The following RASAL1 variants were observed in gnomAD, a reference collection of about 807,000 sequenced individuals.
The protein encoded by RASAL1 is rasGAP-activating-like protein 1.
In RASAL1, 72 loss-of-function variants were observed where a neutral mutation model predicts 96.6. The observed-to-expected ratio is 0.75, with a 90% CI of 0.62 to 0.91. The LOEUF is 0.91. Ranked by LOEUF, RASAL1 falls within the 40% of genes least tolerant of loss-of-function variation. The pLI is 0.00. For missense variants in RASAL1, 1,016 were observed against 1,072.5 expected (o/e 0.95, Z 0.74); for synonymous variants, 405 against 430.4 (o/e 0.94, Z 0.73).
intron 18 of RASAL1, among the ~76,000 whole-genome samples, chr12:113,103,404 G>A (rs1162128859): frequency 1.3e-5 from 2 of 151,914 alleles, no homozygotes; most frequent in Admixed American, 6.6e-5. Flanking sequence ...TCAGGAGTTC[G>A]AGACCAGCCT....
At chr12:113,132,022 A>AGT (rs1951733983) in intron 1 of RASAL1, among the ~76,000 whole-genome samples, 1 of 133,164 alleles carries the variant, frequency 7.5e-6, no homozygotes, top group Non-Finnish European at 1.5e-5. Flanking sequence ...CCCAGGCTGG[A>AGT]GTGCAGTGGC....
intron 5 of RASAL1, among the ~76,000 whole-genome samples, chr12:113,120,991 G>A (rs199612844): frequency 1.3e-5 from 2 of 152,212 alleles, no homozygotes; most frequent in African/African-American, 2.4e-5. Flanking sequence ...AAATAGAAGT[G>A]ATTTTTCTGT....
At chr12:113,108,058 A>T in intron 14 of RASAL1, 27 bp downstream of exon 14, 1 of 1,598,058 alleles carries the variant, frequency 6.3e-7, no homozygotes, top group Non-Finnish European at 8.5e-7. Context: ...TAAAGTACCT[A>T]GGATGGGGGA....
chr12:113,104,587 C>T (rs760486107), intron 16 of RASAL1, among the ~76,000 whole-genome samples: 32 of 152,206 alleles, frequency 2.1e-4, no homozygotes, highest in Non-Finnish European at 4.1e-4. Context: ...CTGCTACCTC[C>T]GCCTCCCAGG....
At chr12:113,117,209 G>C (rs751278056) in intron 7 of RASAL1, 48 bp from the exon 8 acceptor site, 23 of 1,409,810 alleles carry the variant, frequency 1.6e-5, no homozygotes, top group Non-Finnish European at 2.2e-5. Context: ...GGCCTGCCCT[G>C]CCCTGCCTGG....
rs1419184553 is a variant in RASAL1, at chr12:113,129,550, C to T, written c.122+1335G>A. On this transcript the variant is annotated intron_variant, in intron 2 of 20. Coordinates refer to ENST00000548055, the MANE Select transcript of RASAL1 (RefSeq NM_001301202.2). The surrounding 1 kb of genome is among the most constrained non-coding windows in gnomAD (Gnocchi z 5.0). ...CACACACACAGCATCTCTGCCCTGACATCCCTGCAGGGGTACTTCCCTTTA... is the reference window on the plus strand; with the variant it reads ...CACACACACAGCATCTCTGCCCTGATATCCCTGCAGGGGTACTTCCCTTTA... 6.6e-6 allele frequency among the ~76,000 whole-genome samples: 1 copy of T among 152,212 alleles called. No individual in the cohort carries two copies. The highest frequency in any genetic ancestry group is 1.5e-5 in the Non-Finnish European group (1 of 68,028).
At chr12:113,127,299 T>C (rs1342921284) in intron 4 of RASAL1, among the ~76,000 whole-genome samples, 6 of 152,046 alleles carry the variant, frequency 3.9e-5, no homozygotes, top group Non-Finnish European at 8.8e-5. Context: ...GTAGCTGGGG[T>C]GCTTATCATA....
At chr12:113,118,566 T>C (rs1951172284) in intron 7 of RASAL1, among the ~76,000 whole-genome samples, 1 of 152,172 alleles carries the variant, frequency 6.6e-6, no homozygotes, top group Non-Finnish European at 1.5e-5. Flanking sequence ...TCTTTAACTA[T>C]TTGAGGAAAT....
At chr12:113,120,924 G>C (rs78888236) in intron 5 of RASAL1, among the ~76,000 whole-genome samples, 4,950 of 152,302 alleles carry the variant, frequency 0.033, 133 homozygotes, top group Middle Eastern at 0.085. Context: ...AGATAGACAT[G>C]TGCCCCAGCT....
intron 8 of RASAL1, among the ~76,000 whole-genome samples, chr12:113,116,535 CA>C (rs1311822574): frequency 2.0e-5 from 3 of 152,072 alleles, no homozygotes; most frequent in African/African-American, 4.8e-5. Context: ...CAGGTATGAA[CA>C]GGGGTAGGCA....
chr12:113,128,242 C>CCA, intron 2 of RASAL1, 64 bp from the exon 3 acceptor site: 11 of 721,386 alleles, frequency 1.5e-5, no homozygotes, highest in Admixed American at 2.0e-5. Context: ...ACCTGGAGAC[C>CCA]CAGACACACA....
chr12:113,111,697 G>A (rs1387706198), intron 13 of RASAL1, among the ~76,000 whole-genome samples: 1 of 152,124 alleles, frequency 6.6e-6, no homozygotes, highest in Non-Finnish European at 1.5e-5. Flanking sequence ...GGCTTCAAGC[G>A]ATTCTCCTGA....
In RASAL1 at chr12:113,103,224, T is replaced by TAATAACA. The variant is rs528469776; in HGVS notation, c.2104+715_2104+721dup. 579 of 147,484 alleles carry TAATAACA rather than the reference T, an allele frequency of 3.9e-3. 3 individuals are homozygous for TAATAACA. Among genetic ancestry groups the TAATAACA allele is most frequent in the South Asian group, 0.019 (91 of 4,778 alleles). The allele number at this position is 147,484 out of a possible 1,614,324, so 9.1% of individuals were successfully genotyped here. On this transcript the variant is annotated intron_variant, in intron 18 of 20. Transcript: ENST00000548055. ...TATATATATTATATATTATTTTATA[T>TAATAACA]AATAACAATGTTATTATTTACAATG...
chr12:113,103,261 A>AT (rs1380577129), intron 18 of RASAL1, among the ~76,000 whole-genome samples: 4 of 149,966 alleles, frequency 2.7e-5, no homozygotes, highest in South Asian at 2.1e-4. Flanking sequence ...TATACATTGT[A>AT]ATACATTGTT....
At position 113,130,782 on chromosome 12, in the gene RASAL1, T is replaced by G; in HGVS notation, c.122+103A>C. 1.0e-6 allele frequency: 1 copy of G among 968,116 alleles called. No individual in the cohort carries two copies. The allele number at this position is 968,116 out of a possible 1,614,324, so 60.0% of individuals were successfully genotyped here. On this transcript the variant is annotated intron_variant, in intron 2 of 20. Coordinates refer to ENST00000548055, the MANE Select transcript of RASAL1 (RefSeq NM_001301202.2). This position sits in a 1 kb window ranked among gnomAD's most constrained non-coding sequence, Gnocchi z 5.1. ...CCACCTGCAGGCCCGCGAGTCCCCC[T>G]CAGGGTAAGCACTCCTTTAAATGTG...
Position 113,115,373 on chromosome 12 carries a change from A to T in RASAL1, c.1004-109T>A. 3.4e-6 allele frequency: 4 copies of T among 1,166,310 alleles called. No individual in the cohort carries two copies. Among genetic ancestry groups the T allele is most frequent in the Non-Finnish European group, 5.1e-6 (4 of 777,802 alleles). 72.2% of individuals were successfully genotyped at this position (1,166,310 alleles called of 1,614,324 possible). A position where few individuals can be genotyped will look rare whatever the true frequency, so the allele number is the denominator to read the frequency against. ...TCTTCCAGCCCCAAGAATCAGGAAG[A>T]CCCAAAACATCAACCCCATTCACAG... On this transcript the variant is annotated intron_variant, in intron 10 of 20. Coordinates refer to ENST00000548055, the MANE Select transcript of RASAL1 (RefSeq NM_001301202.2). The surrounding 1 kb of genome is among the most constrained non-coding windows in gnomAD (Gnocchi z 4.1).
At chr12:113,123,714 G>A (rs1951380287) in intron 4 of RASAL1, among the ~76,000 whole-genome samples, 2 of 152,174 alleles carry the variant, frequency 1.3e-5, no homozygotes, top group African/African-American at 4.8e-5. Context: ...CTCTCGAATA[G>A]CAAGGATTAC....
intron 12 of RASAL1, among the ~76,000 whole-genome samples, chr12:113,113,009 C>T (rs976566379): frequency 2.0e-5 from 3 of 152,032 alleles, no homozygotes; most frequent in African/African-American, 7.3e-5. Context: ...TTATCTGTCT[C>T]CCCCCAGAAT....
At chr12:113,121,006 G>A (rs1271796850) in intron 5 of RASAL1, among the ~76,000 whole-genome samples, 3 of 152,206 alleles carry the variant, frequency 2.0e-5, no homozygotes, top group Non-Finnish European at 4.4e-5. Context: ...TTCTGTTGGA[G>A]TGGCTAAGCT....
Sources: gnomAD v4.1 joint callset for allele counts (sites outside exome capture counted in the v4.1 genomes callset) on GRCh38, gnomAD v4.1.1 for gene constraint, Gnocchi (gnomAD v3.1) non-coding constraint, MANE v1.5 for transcripts, NCBI Gene and HGNC (gene_info 2026-07-23, HGNC 2026-07-21) for gene names.